SLC22A24: variants seen among roughly 807,000 people sequenced by gnomAD.
SLC22A24 encodes steroid transmembrane transporter SLC22A24.
Under a neutral mutation model 49.8 loss-of-function variants are expected in SLC22A24, and 53 were observed. That is an observed-to-expected ratio of 1.06 (90% CI 0.85 to 1.34). The LOEUF (loss-of-function observed/expected upper bound fraction) is 1.34. SLC22A24 is among the 40% of genes most tolerant of loss of function. SLC22A24 has a pLI of 0.00. For synonymous variants in SLC22A24, 302 were observed against 256.4 expected, an observed-to-expected ratio of 1.18 and a Z score of -1.70; for missense variants, 786 against 675.9, an observed-to-expected ratio of 1.16 and a Z score of -1.81.
intron 6 of SLC22A24, among the ~76,000 whole-genome samples, chr11:63,090,780 G>C (rs1041130285): frequency 3.3e-5 from 5 of 151,880 alleles, no homozygotes; most frequent in Admixed American, 3.3e-4. Context: ...AGGTAAAGCA[G>C]TGTTAAGAAA....
In SLC22A24 at chr11:63,079,944, A is replaced by G. The variant is rs1456166788; in HGVS notation, c.1655T>C (p.Phe552Ser). The change falls in exon 10 of 10, where the codon TTT becomes TCT. Residue 552 changes from phenylalanine (F) to serine (S), a missense_variant. By Grantham distance (155) the Phe-to-Ser change is radical (BLOSUM62 -2). Coordinates refer to ENST00000612278, the MANE Select transcript of SLC22A24 (RefSeq NM_001136506.2). Reference protein sequence around the residue: ...QEDTCMKVTQF With the variant: ...QEDTCMKVTQS ...GGATCAGGTCTTGGGAATCTCTTAA[A>G]ACTGTGTTACTTTCATGCAAGTATC... is the stretch of plus-strand genomic sequence containing the variant. The G allele has an allele frequency of 1.3e-6, 2 of 1,542,818 alleles. No homozygotes were observed. The highest frequency in any genetic ancestry group is 1.8e-6 in the Non-Finnish European group (2 of 1,139,020).
In SLC22A24 at chr11:63,119,271, C is replaced by A; in HGVS notation, c.571G>T (p.Ala191Ser). ...TAAACAAGGAAGGTGGGAGCGAAGGCCGCACAGGTGTTAGAGATGGCCAGC... is the reference window on the plus strand; with the variant it reads ...TAAACAAGGAAGGTGGGAGCGAAGGACGCACAGGTGTTAGAGATGGCCAGC... Reference protein sequence around the residue: ...LQLAISNTCAAFAPTFLVYCI... With the variant: ...LQLAISNTCASFAPTFLVYCI... Residue 191 changes from alanine to serine, a missense_variant, in exon 3 of 10, where the codon GCC (alanine) becomes TCC (serine). Coordinates refer to ENST00000612278, the MANE Select transcript of SLC22A24 (RefSeq NM_001136506.2). 1.3e-6 allele frequency: 2 copies of A among 1,551,434 alleles called. No individual in the cohort carries two copies. The highest frequency in any genetic ancestry group is 1.7e-6 in the Non-Finnish European group (2 of 1,146,852).
Position 63,134,729 on chromosome 11 carries a change from C to A in SLC22A24, c.442G>T (p.Val148Phe), listed in dbSNP as rs964909023. ...VCESQSLKSM[V>F]QSLFMAGSLL... ...GACCCAGCCATAAATAGGGATTGAA[C>A]CATTGATTTTAGTGACTGAGATTCA... Residue 148 changes from valine to phenylalanine, a missense_variant, in exon 2 of 10, where the codon GTT becomes TTT. Transcript: ENST00000612278. 1.3e-6 allele frequency: 2 copies of A among 1,568,754 alleles called. No individual in the cohort carries two copies. The highest frequency in any genetic ancestry group is 2.3e-5 in the East Asian group (1 of 42,738).
intron 1 of SLC22A24, among the ~76,000 whole-genome samples, chr11:63,142,805 A>C (rs758108845): frequency 1.3e-4 from 19 of 151,908 alleles, no homozygotes; most frequent in Non-Finnish European, 2.4e-4. Flanking sequence ...ATCAGTCAGC[A>C]CTCTTGGCTC....
At chr11:63,136,696 A>C (rs2105623) in intron 1 of SLC22A24, among the ~76,000 whole-genome samples, 117,330 of 152,142 alleles carry the variant, frequency 0.77, 47,011 homozygotes, top group East Asian at 0.9. Flanking sequence ...AAGGTGTCTC[A>C]CCCTTGGGTG....
At chr11:63,120,900 G>A (rs1191452644) in intron 2 of SLC22A24, among the ~76,000 whole-genome samples, 1 of 152,106 alleles carries the variant, frequency 6.6e-6, no homozygotes, top group Non-Finnish European at 1.5e-5. Flanking sequence ...ACATGATGGA[G>A]AAGGAATCAT....
Position 63,119,259 on chromosome 11 carries a change from T to G in SLC22A24, c.583A>C (p.Thr195Pro). Residue 195 changes from threonine (T) to proline (P), a missense_variant, in exon 3 of 10, where the codon ACC becomes CCC. By Grantham distance (38) the Thr-to-Pro change is conservative. Transcript: ENST00000612278. ...ISNTCAAFAPTFLVYCILRFL... is the reference protein window; with the variant it reads ...ISNTCAAFAPPFLVYCILRFL... Reference sequence around the variant, plus strand: ...CGCAGTATGCAGTAAACAAGGAAGGTGGGAGCGAAGGCCGCACAGGTGTTA... The same window carrying G: ...CGCAGTATGCAGTAAACAAGGAAGGGGGGAGCGAAGGCCGCACAGGTGTTA... The G allele has an allele frequency of 6.4e-7, 1 of 1,551,334 alleles. No individual in the cohort carries two copies. Among genetic ancestry groups the G allele is most frequent in the Non-Finnish European group, 8.7e-7 (1 of 1,146,850 alleles).
intron 6 of SLC22A24, among the ~76,000 whole-genome samples, chr11:63,087,903 C>G (rs2086997066): frequency 6.6e-6 from 1 of 152,158 alleles, no homozygotes. Context: ...AAGGCAACAG[C>G]CCCAGTAAGA....
rs539818356 is a variant in SLC22A24, at chr11:63,095,890, T to G, written c.1070+101A>C. 4.0e-4 allele frequency: 327 copies of G among 823,850 alleles called. 3 individuals are homozygous for G. In the South Asian group the frequency reaches 5.3e-3, roughly 13 times the overall value. The allele number at this position is 823,850 out of a possible 1,614,324, so 51.0% of individuals were successfully genotyped here. On this transcript the variant is annotated intron_variant, in intron 6 of 9. Coordinates refer to ENST00000612278, the MANE Select transcript of SLC22A24 (RefSeq NM_001136506.2). ...TTGTATGTGATTTTCTCTTCTCTTATGTATTAAATGTCCTCCAAATGCTGC... is the reference window on the plus strand; with the variant it reads ...TTGTATGTGATTTTCTCTTCTCTTAGGTATTAAATGTCCTCCAAATGCTGC...
chr11:63,101,292 G>T (rs1337976971), intron 5 of SLC22A24, among the ~76,000 whole-genome samples: 1 of 151,828 alleles, frequency 6.6e-6, no homozygotes, highest in East Asian at 1.9e-4. Context: ...ATATGATCCA[G>T]CAATGTTACT....
At chr11:63,102,917 A>T (rs117737863) in intron 5 of SLC22A24, among the ~76,000 whole-genome samples, 1 of 152,072 alleles carries the variant, frequency 6.6e-6, no homozygotes, top group African/African-American at 2.4e-5. Context: ...TCATTATTGT[A>T]TGCTGGATGT....
chr11:63,122,243 A>G (rs1259792843), intron 2 of SLC22A24, among the ~76,000 whole-genome samples: 2 of 152,148 alleles, frequency 1.3e-5, no homozygotes, highest in Middle Eastern at 3.2e-3. Context: ...TCCAGACCTG[A>G]CCATAAAAGG....
chr11:63,080,105 A>C, intron 9 of SLC22A24, 105 bp from the exon 10 acceptor site: 1 of 681,774 alleles, frequency 1.5e-6, no homozygotes. Flanking sequence ...GCTGCCCTCT[A>C]CCCACCAGCA....
chr11:63,081,236 G>A, intron 8 of SLC22A24, 113 bp from the exon 9 acceptor site: 1 of 871,120 alleles, frequency 1.1e-6, no homozygotes, highest in Non-Finnish European at 1.8e-6. Flanking sequence ...AAACACATGG[G>A]CTTTGACAGC....
intron 4 of SLC22A24, among the ~76,000 whole-genome samples, chr11:63,112,198 C>T (rs1226699271): frequency 6.6e-6 from 1 of 152,238 alleles, no homozygotes. Context: ...AGTTTGATTG[C>T]ACTGTGGTCT....
At chr11:63,100,942 C>G (rs957266475) in intron 5 of SLC22A24, among the ~76,000 whole-genome samples, 4 of 152,112 alleles carry the variant, frequency 2.6e-5, no homozygotes, top group African/African-American at 7.2e-5. Context: ...TATACATCTA[C>G]TATAACAAAG....
At chr11:63,136,016 A>G (rs1487514718) in intron 1 of SLC22A24, among the ~76,000 whole-genome samples, 1 of 152,212 alleles carries the variant, frequency 6.6e-6, no homozygotes, top group Admixed American at 6.5e-5. Flanking sequence ...GGCATTTGGG[A>G]CAAATTGGAA....
In SLC22A24 at chr11:63,119,206, A is replaced by C; in HGVS notation, c.636T>G (p.Thr212=). 1.3e-6 allele frequency: 2 copies of C among 1,546,714 alleles called. No individual in the cohort carries two copies. The highest frequency in any genetic ancestry group is 1.7e-6 in the Non-Finnish European group (2 of 1,145,492). The change falls in exon 3 of 10, where the codon ACT becomes ACG. Residue 212 remains threonine (T), a synonymous_variant. Transcript: ENST00000612278. ...TGAGAATAAAAGTGTTTCCCAAAATAGTCATGGTGGAGAACCCTGCCAAGA... is the reference window on the plus strand; with the variant it reads ...TGAGAATAAAAGTGTTTCCCAAAATCGTCATGGTGGAGAACCCTGCCAAGA... ...LRFLAGFSTM[T]ILGNTFILSL...
In SLC22A24 at chr11:63,084,760, G is replaced by A. The variant is rs79318233; in HGVS notation, c.1071-1303C>T. Among the ~76,000 whole-genome samples, 158 of 152,030 alleles carry A rather than the reference G, an allele frequency of 1.0e-3. 1 individual carries two copies. Among genetic ancestry groups the A allele is most frequent in the African/African-American group, 3.4e-3 (143 of 41,454 alleles). ...TGGAGAGGAAGCATAACACATTTACGTAGAGAAAAAGTCAACAATATCTTC... is the reference window on the plus strand; with the variant it reads ...TGGAGAGGAAGCATAACACATTTACATAGAGAAAAAGTCAACAATATCTTC... On this transcript the variant is annotated intron_variant, in intron 6 of 9. Coordinates refer to ENST00000612278, the MANE Select transcript of SLC22A24 (RefSeq NM_001136506.2).
Sources: gnomAD v4.1 joint callset for allele counts (sites outside exome capture counted in the v4.1 genomes callset) on GRCh38, gnomAD v4.1.1 for gene constraint, MANE v1.5 for transcripts, NCBI Gene and HGNC (gene_info 2026-07-23, HGNC 2026-07-21) for gene names.